Variants in ATP8B3 observed in about 807,000 individuals in gnomAD.
The protein encoded by ATP8B3 is phospholipid-transporting ATPase IK.
Under a neutral mutation model 140.9 loss-of-function variants are expected in ATP8B3, and 141 were observed. The observed-to-expected ratio is 1.00, with a 90% CI of 0.87 to 1.15. ATP8B3 has a LOEUF of 1.15. ATP8B3 is among the 50% of genes most tolerant of loss of function. ATP8B3 has a pLI of 0.00. For synonymous variants in ATP8B3, 765 were observed against 714.6 expected (o/e 1.07, Z -1.13); for missense variants, 1,874 against 1,740.6 (o/e 1.08, Z -1.36).
At chr19:1,802,407 A>ACCCCCCCCCCCCCCCCCCCCCCCCC in intron 11 of ATP8B3, 80 bp downstream of exon 11, 4 of 318,100 alleles carry the variant, frequency 1.3e-5, no homozygotes, top group South Asian at 2.0e-5. Flanking sequence ...CCACCCACCT[A>ACCCCCCCCCCCCCCCCCCCCCCCCC]CCCACCCACC....
In ATP8B3 at chr19:1,807,087, C is replaced by A. The variant is rs2069047122; in HGVS notation, c.615+81G>T. The A allele has an allele frequency of 1.5e-6, 2 of 1,296,226 alleles. No homozygotes were observed. The highest frequency in any genetic ancestry group is 2.9e-5 in the African/African-American group (2 of 68,702). 80.3% of individuals were successfully genotyped at this position (1,296,226 alleles called of 1,614,324 possible). A position where few individuals can be genotyped will look rare whatever the true frequency, so the allele number is the denominator to read the frequency against. ...ATGCTCCAGGAAGCCCAGCCCTCCT[C>A]CCACTCTCGCCCAGGGATCAAGAGA... On this transcript the variant is annotated intron_variant, in intron 6 of 28. Coordinates refer to ENST00000310127, the MANE Select transcript of ATP8B3 (RefSeq NM_138813.4). The surrounding 1 kb of genome is among the most constrained non-coding windows in gnomAD (Gnocchi z 5.9).
chr19:1,791,549 G>C (rs1829204094), intron 20 of ATP8B3, among the ~76,000 whole-genome samples: 1 of 151,998 alleles, frequency 6.6e-6, no homozygotes, highest in African/African-American at 2.4e-5. Flanking sequence ...CACCACACCT[G>C]GCCAGGCCCA....
In ATP8B3 at chr19:1,782,504, G is replaced by A. The variant is rs2068189714; in HGVS notation, c.*524C>T. On this transcript the variant is annotated 3_prime_UTR_variant, in exon 29 of 29. Coordinates refer to ENST00000310127, the MANE Select transcript of ATP8B3 (RefSeq NM_138813.4). ...CAGAGTCTCCACCTGAGATTTGTGG[G>A]TCTTGTCTGGAAGTGGCACCGTCCC... 5.0e-6 allele frequency: 1 copy of A among 199,560 alleles called. No individual in the cohort carries two copies. The highest frequency in any genetic ancestry group is 5.5e-5 in the Admixed American group (1 of 18,056). 12.4% of individuals were successfully genotyped at this position (199,560 alleles called of 1,614,324 possible).
chr19:1,809,374 G>A (rs1379829365), intron 4 of ATP8B3, among the ~76,000 whole-genome samples: 1 of 151,304 alleles, frequency 6.6e-6, no homozygotes, highest in African/African-American at 2.4e-5. Flanking sequence ...CCAGCTACTT[G>A]GGAGGCTGAG....
intron 26 of ATP8B3, 38 bp downstream of exon 26, chr19:1,785,431 C>A: frequency 3.7e-6 from 6 of 1,603,426 alleles, no homozygotes; most frequent in Non-Finnish European, 4.3e-6. Flanking sequence ...CTCCATAGGC[C>A]ATGTCCAAGG....
chr19:1,787,728 TAAAAAAAAAAAAAAAAAAAA>T (rs561418063), intron 24 of ATP8B3, among the ~76,000 whole-genome samples: 12 of 119,778 alleles, frequency 1.0e-4, no homozygotes, highest in East Asian at 5.0e-4. Context: ...AAACTCTGTC[TAAAAAAAAAAAAAAAAAAAA>T]AAAAAAAAAA....
chr19:1,806,021 C>T lies in ATP8B3; in HGVS notation c.751-63G>A. 1.2e-6 allele frequency: 2 copies of T among 1,606,922 alleles called. No individual in the cohort carries two copies. Reference sequence around the variant, plus strand: ...GCAAGACAAATTGGGGGTGCGGCAGCCCTCCCCACCCTGGGAGGGGTGCTC... The same window carrying T: ...GCAAGACAAATTGGGGGTGCGGCAGTCCTCCCCACCCTGGGAGGGGTGCTC... On this transcript the variant is annotated intron_variant, in intron 8 of 28. Coordinates refer to ENST00000310127, the MANE Select transcript of ATP8B3 (RefSeq NM_138813.4). The surrounding 1 kb of genome is among the most constrained non-coding windows in gnomAD (Gnocchi z 5.6).
intron 16 of ATP8B3, 33 bp downstream of exon 16, chr19:1,796,678 C>A (rs771994609): frequency 3.8e-6 from 6 of 1,595,236 alleles, no homozygotes; most frequent in Non-Finnish European, 4.3e-6. Context: ...GGGGGCTGAG[C>A]GGCCTCAGAG....
At position 1,785,291 on chromosome 19, in the gene ATP8B3, G is replaced by C. The variant is rs893729077; in HGVS notation, c.3400C>G (p.Leu1134Val). 6.3e-7 allele frequency: 1 copy of C among 1,597,124 alleles called. No individual in the cohort carries two copies. Among genetic ancestry groups the C allele is most frequent in the Non-Finnish European group, 8.5e-7 (1 of 1,171,348 alleles). Residue 1134 changes from leucine to valine, a missense_variant, in exon 27 of 29, where the codon CTT becomes GTT. Leu to Val is a conservative substitution (Grantham distance 32). Transcript: ENST00000310127. ...AGGGCGGTCCAGTACTTGATGATAAGAATGACCTGGACAGGCAGCGGTGGG... is the reference window on the plus strand; with the variant it reads ...AGGGCGGTCCAGTACTTGATGATAACAATGACCTGGACAGGCAGCGGTGGG... ...CLLSITMEVILIIKYWTALCV... is the reference protein window; with the variant it reads ...CLLSITMEVIVIIKYWTALCV...
chr19:1,804,526 T>G (rs1255170297), intron 10 of ATP8B3, among the ~76,000 whole-genome samples: 1 of 151,714 alleles, frequency 6.6e-6, no homozygotes, highest in Non-Finnish European at 1.5e-5. Context: ...GAGAATGGCG[T>G]GAACCCAGGA....
Position 1,783,133 on chromosome 19 carries a change from C to T in ATP8B3, c.3798G>A (p.Gln1266=), listed in dbSNP as rs761338510. The T allele has an allele frequency of 5.6e-6, 9 of 1,613,602 alleles. No individual in the cohort carries two copies. The highest frequency in any genetic ancestry group is 1.6e-4 in the Middle Eastern group (1 of 6,062). The change falls in exon 29 of 29, where the codon CAG becomes CAA. Residue 1266 remains glutamine, a synonymous_variant. Coordinates refer to ENST00000310127, the MANE Select transcript of ATP8B3 (RefSeq NM_138813.4). ...CTGGTCCCCTCCGCAGAATTGTGCC[C>T]TGAGTGATGAGGTTTGCATATCCCT... ...HREGYANLIT[Q]GTILRRGPGV... is the part of the protein sequence containing the mutation.
rs1015286267 is a variant in ATP8B3, at chr19:1,797,035, C to T, written c.1553-30G>A. On this transcript the variant is annotated intron_variant, in intron 14 of 28. Transcript: ENST00000310127. ...GGAAAGACACAGCTTCCTGCTTCAG[C>T]TCCCACAGGCCCCCCATTCGGGATC... 1.5e-5 allele frequency: 24 copies of T among 1,612,764 alleles called. No homozygotes were observed. In the Middle Eastern group the frequency reaches 6.6e-4, roughly 44 times the overall value.
chr19:1,800,498 C>T lies in ATP8B3; in HGVS notation c.1153-49G>A. The T allele has an allele frequency of 1.3e-6, 2 of 1,534,132 alleles. No individual in the cohort carries two copies. The highest frequency in any genetic ancestry group is 1.8e-6 in the Non-Finnish European group (2 of 1,118,896). On this transcript the variant is annotated intron_variant, in intron 12 of 28. Transcript: ENST00000310127. This position sits in a 1 kb window ranked among gnomAD's most constrained non-coding sequence, Gnocchi z 4.4. ...GGGTGAGGGGGGCGGGGGTCCCCCA[C>T]TCTGCCATCAGGATGGGGTAAACAC...
Position 1,802,114 on chromosome 19 carries a change from C to T in ATP8B3, c.1064-70G>A. On this transcript the variant is annotated intron_variant, in intron 11 of 28. Coordinates refer to ENST00000310127, the MANE Select transcript of ATP8B3 (RefSeq NM_138813.4). ...ACCCCTCACCCACCCATCACTCACC[C>T]ATCCACCCACTCCCCCACTCATCCA... 4 of 1,119,918 alleles carry T rather than the reference C, an allele frequency of 3.6e-6. No homozygotes were observed. In the South Asian group the frequency reaches 5.9e-5, roughly 16 times the overall value. 69.4% of individuals were successfully genotyped at this position (1,119,918 alleles called of 1,614,324 possible).
At chr19:1,810,345 CCTCCTGGGT>C (rs1359987007) in intron 3 of ATP8B3, among the ~76,000 whole-genome samples, 1 of 152,208 alleles carries the variant, frequency 6.6e-6, no homozygotes, top group Non-Finnish European at 1.5e-5. Flanking sequence ...GCAACCTCCA[CCTCCTGGGT>C]CTCCTGGGTT....
rs1039985831 is a variant in ATP8B3 at position 1,806,813 on chromosome 19, G to A, written c.616-124C>T. On this transcript the variant is annotated intron_variant, in intron 6 of 28. Transcript: ENST00000310127. The surrounding 1 kb of genome is among the most constrained non-coding windows in gnomAD (Gnocchi z 5.6). The stretch of plus-strand genomic sequence containing the variant: ...CGGGGTCCCTGTCCGCTGGCCCCAC[G>A]CCACGTTGCGTCTGCTCAGGGATCC... 9.6e-5 allele frequency: 104 copies of A among 1,082,600 alleles called. No homozygotes were observed. Among genetic ancestry groups the A allele is most frequent in the Middle Eastern group, 2.3e-4 (1 of 4,326 alleles). The allele number at this position is 1,082,600 out of a possible 1,614,324, so 67.1% of individuals were successfully genotyped here. A position where few individuals can be genotyped will look rare whatever the true frequency, so the allele number is the denominator to read the frequency against.
Position 1,811,825 on chromosome 19 carries a change from G to T in ATP8B3, c.-89C>A. Reference sequence around the variant, plus strand: ...GGTGGGGGAGACCCCCGTGGGGGCAGACTGGGGATTGGAGAGTTGGAGAGA... The same window carrying T: ...GGTGGGGGAGACCCCCGTGGGGGCATACTGGGGATTGGAGAGTTGGAGAGA... On this transcript the variant is annotated 5_prime_UTR_variant, in exon 2 of 29. It adds an upstream start codon to the 5' untranslated region. Transcript: ENST00000310127. The T allele has an allele frequency of 7.3e-7, 1 of 1,374,904 alleles. No individual in the cohort carries two copies. Among genetic ancestry groups the T allele is most frequent in the Non-Finnish European group, 9.7e-7 (1 of 1,030,970 alleles). The allele number at this position is 1,374,904 out of a possible 1,614,324, so 85.2% of individuals were successfully genotyped here.
At chr19:1,791,602 C>T in intron 20 of ATP8B3, 148 bp downstream of exon 20, 1 of 628,648 alleles carries the variant, frequency 1.6e-6, no homozygotes, top group Non-Finnish European at 2.8e-6. Flanking sequence ...CATGTTGGCC[C>T]TGCTGGTCTC....
At chr19:1,786,749 C>G (rs112488521) in intron 25 of ATP8B3, among the ~76,000 whole-genome samples, 5 of 142,682 alleles carry the variant, frequency 3.5e-5, no homozygotes, top group African/African-American at 1.3e-4. Flanking sequence ...ACCCTCCCAA[C>G]CCCAGATCAC....
Sources: gnomAD v4.1 joint callset for allele counts (sites outside exome capture counted in the v4.1 genomes callset) on GRCh38, gnomAD v4.1.1 for gene constraint, Gnocchi (gnomAD v3.1) non-coding constraint, MANE v1.5 for transcripts, NCBI Gene and HGNC (gene_info 2026-07-23, HGNC 2026-07-21) for gene names.